The following HSP90AB1 variants were observed in gnomAD, a reference collection of about 807,000 sequenced individuals.
HSP90AB1 encodes heat shock protein 90 alpha family class B member 1, also known as heat shock protein HSP 90-beta.
Under a neutral mutation model 67.8 loss-of-function variants are expected in HSP90AB1, and 17 were observed. The ratio of observed to expected loss-of-function variants is 0.25; its 90% CI spans 0.17 to 0.38. The LOEUF (loss-of-function observed/expected upper bound fraction) is 0.38. Among genes scored for constraint, HSP90AB1 ranks in the 10% least tolerant of loss-of-function variants. HSP90AB1 has a pLI of 1.00. For synonymous variants in HSP90AB1, 390 were observed against 312.9 expected (o/e 1.25, Z -2.60); for missense variants, 690 against 899.9 (o/e 0.77, Z 2.98).
At chr6:44,250,791 C>T (rs1198358389) in intron 6 of HSP90AB1, among the ~76,000 whole-genome samples, 192 bp downstream of exon 6, 2 of 152,182 alleles carry the variant, frequency 1.3e-5, no homozygotes, top group African/African-American at 4.8e-5. Context: ...ACTTTCTCTT[C>T]TTATGGAAAT....
At position 44,253,536 on chromosome 6, in the gene HSP90AB1, C is replaced by G. The variant is rs559392885; in HGVS notation, c.2113C>G (p.Pro705Ala). 6.2e-7 allele frequency: 1 copy of G among 1,614,134 alleles called. No individual in the cohort carries two copies. The highest frequency in any genetic ancestry group is 2.2e-5 in the East Asian group (1 of 44,886). ...VAAEEPNAAV[P>A]DEIPPLEGDE... ...AGCAGAGGAACCCAATGCTGCAGTTCCTGATGAGATCCCCCCTCTCGAGGG... is the reference window on the plus strand; with the variant it reads ...AGCAGAGGAACCCAATGCTGCAGTTGCTGATGAGATCCCCCCTCTCGAGGG... The change falls in exon 12 of 12, where the codon CCT becomes GCT. Residue 705 changes from proline (P) to alanine (A), a missense_variant. Transcript: ENST00000371646.
intron 1 of HSP90AB1, 88 bp from the exon 2 acceptor site, chr6:44,248,542 C>G (rs771592920): frequency 2.4e-6 from 3 of 1,251,402 alleles, no homozygotes; most frequent in African/African-American, 3.0e-5. Flanking sequence ...AACTCACTGT[C>G]TAAGGTCCTA....
rs761094038 is a variant in HSP90AB1, at chr6:44,249,659, T to G, written c.355-16T>G. 5 of 1,612,232 alleles carry G rather than the reference T, an allele frequency of 3.1e-6. No homozygotes were observed. The Admixed American group carries it at 5.0e-5, about 16-fold the overall frequency. ...GCTTCTTTAAAACTTGTGATTGACT[T>G]TAAACTTGTTGGCAGGCTGGTGCAG... On this transcript the variant is annotated splice_polypyrimidine_tract_variant and intron_variant, in intron 3 of 11. Coordinates refer to ENST00000371646, the MANE Select transcript of HSP90AB1 (RefSeq NM_007355.4).
chr6:44,251,490 A>G lies in HSP90AB1; in HGVS notation c.1196A>G (p.Lys399Arg). 1 of 1,612,090 alleles carries G rather than the reference A, an allele frequency of 6.2e-7. No homozygotes were observed. ...TCCCGAGAAATGCTCCAGCAGAGCA[A>G]AATCTTGAAAGTCATTCGCAAAAAC... The part of the protein sequence containing the change: ...NISREMLQQS[K>R]ILKVIRKNIV... The change falls in exon 8 of 12, where the codon AAA (lysine) becomes AGA (arginine). Residue 399 changes from lysine (K) to arginine (R), a missense_variant. Transcript: ENST00000371646.
chr6:44,252,556 C>T (rs1455841087), intron 10 of HSP90AB1, among the ~76,000 whole-genome samples: 1 of 152,040 alleles, frequency 6.6e-6, no homozygotes, highest in African/African-American at 2.4e-5. Flanking sequence ...AGTGCAGTGG[C>T]ACGATCTCTG....
chr6:44,249,903 T>C (rs1780426081), intron 4 of HSP90AB1, 69 bp downstream of exon 4: 1 of 1,587,090 alleles, frequency 6.3e-7, no homozygotes, highest in Non-Finnish European at 8.6e-7. Context: ...TAGCAGAAAT[T>C]TTGGGCATCC....
chr6:44,250,052 C>T lies in HSP90AB1; in HGVS notation c.546C>T (p.Ile182=), dbSNP rs771035836. Residue 182 remains isoleucine (I), a synonymous_variant, in exon 5 of 12, where the codon ATC becomes ATT. Transcript: ENST00000371646. ...GEPIGRGTKV[I]LHLKEDQTEY... ...CCATTGGCAGGGGTACCAAAGTGATCCTCCATCTTAAAGAAGATCAGACAG... is the reference window on the plus strand; with the variant it reads ...CCATTGGCAGGGGTACCAAAGTGATTCTCCATCTTAAAGAAGATCAGACAG... 1 of 1,614,102 alleles carries T rather than the reference C, an allele frequency of 6.2e-7. No homozygotes were observed. Among genetic ancestry groups the T allele is most frequent in the Non-Finnish European group, 8.5e-7 (1 of 1,179,974 alleles).
In HSP90AB1 at chr6:44,249,782, G is replaced by C; in HGVS notation, c.462G>C (p.Gln154His). Reference protein sequence around the residue: ...VVITKHNDDEQYAWESSAGGS... With the variant: ...VVITKHNDDEHYAWESSAGGS... Reference sequence around the variant, plus strand: ...TCACAAAGCACAACGATGATGAACAGTATGCTTGGGAGTCTTCTGCTGGAG... The same window carrying C: ...TCACAAAGCACAACGATGATGAACACTATGCTTGGGAGTCTTCTGCTGGAG... The change falls in exon 4 of 12, where the codon CAG becomes CAC. Residue 154 changes from glutamine to histidine, a missense_variant. Transcript: ENST00000371646. The C allele has an allele frequency of 6.2e-7, 1 of 1,613,868 alleles. No homozygotes were observed. The highest frequency in any genetic ancestry group is 8.5e-7 in the Non-Finnish European group (1 of 1,179,880).
rs552784311 is a variant in HSP90AB1, at chr6:44,249,514, A to C, written c.285A>C (p.Lys95Asn). The C allele has an allele frequency of 4.3e-6, 7 of 1,614,194 alleles. No individual in the cohort carries two copies. In the Admixed American group the frequency reaches 1.2e-4, roughly 27 times the overall value. ...TAGACACAGGCATTGGCATGACCAAAGCTGATCTCATAAATAATTTGGGAA... is the reference window on the plus strand; with the variant it reads ...TAGACACAGGCATTGGCATGACCAACGCTGATCTCATAAATAATTTGGGAA... ...TLVDTGIGMT[K>N]ADLINNLGTI... The change falls in exon 3 of 12, where the codon AAA becomes AAC. Residue 95 changes from lysine to asparagine, a missense_variant. Physicochemically the swap from Lys to Asn is moderately conservative, Grantham distance 94. Coordinates refer to ENST00000371646, the MANE Select transcript of HSP90AB1 (RefSeq NM_007355.4).
rs775862325 is a variant in HSP90AB1, at chr6:44,249,883, C to T, written c.514+49C>T. 8 of 1,592,972 alleles carry T rather than the reference C, an allele frequency of 5.0e-6. No homozygotes were observed. In the South Asian group the frequency reaches 5.6e-5, roughly 11 times the overall value. The stretch of plus-strand genomic sequence containing the variant: ...GGTAGTTGGGTTAGGATTTTCTGGG[C>T]TCACACCAGTAGCAGAAATTTTGGG... On this transcript the variant is annotated intron_variant, in intron 4 of 11. Transcript: ENST00000371646.
At chr6:44,251,972 C>T (rs1225850439) in intron 9 of HSP90AB1, 27 bp from the exon 10 acceptor site, 2 of 1,613,814 alleles carry the variant, frequency 1.2e-6, no homozygotes, top group Non-Finnish European at 1.7e-6. Context: ...GCATTTTAGT[C>T]ACTGAGTTCA....
chr6:44,251,007 TC>T, intron 6 of HSP90AB1, 40 bp from the exon 7 acceptor site: 5 of 1,575,906 alleles, frequency 3.2e-6, no homozygotes, highest in Non-Finnish European at 4.4e-6. Flanking sequence ...GGCTAAAAGG[TC>T]CTCTTTTGAA....
chr6:44,251,382 T>G (rs992006531), intron 7 of HSP90AB1, 36 bp from the exon 8 acceptor site: 33 of 1,586,114 alleles, frequency 2.1e-5, no homozygotes, highest in African/African-American at 2.7e-5. Flanking sequence ...GGTCTAGCTG[T>G]TTTTTACTGA....
chr6:44,253,642 C>G lies in HSP90AB1; in HGVS notation c.*44C>G. 1 of 1,428,346 alleles carries G rather than the reference C, an allele frequency of 7.0e-7. No individual in the cohort carries two copies. Among genetic ancestry groups the G allele is most frequent in the Non-Finnish European group, 9.9e-7 (1 of 1,010,638 alleles). 88.5% of individuals were successfully genotyped at this position (1,428,346 alleles called of 1,614,324 possible). On this transcript the variant is annotated 3_prime_UTR_variant, in exon 12 of 12. Transcript: ENST00000371646. ...GAAAACTTGTGCCCTTGTATAGTGT[C>G]CCCATGGGCTCCCACTGCAGCCTCG...
At chr6:44,252,421 ATT>A (rs1360104765) in intron 10 of HSP90AB1, among the ~76,000 whole-genome samples, 154 bp downstream of exon 10, 1 of 152,188 alleles carries the variant, frequency 6.6e-6, no homozygotes, top group African/African-American at 2.4e-5. Flanking sequence ...GTTTAAGGCT[ATT>A]TTAATAAAAT....
At chr6:44,247,440 G>T (rs1780043552) in intron 1 of HSP90AB1, among the ~76,000 whole-genome samples, 1 of 152,164 alleles carries the variant, frequency 6.6e-6, no homozygotes, top group Non-Finnish European at 1.5e-5. Context: ...GGTGGGCTGT[G>T]GGGTTGGGGC....
Position 44,253,382 on chromosome 6 carries a change from A to G in HSP90AB1, c.2065+4A>G. On this transcript the variant is annotated splice_donor_region_variant and intron_variant, in intron 11 of 11. Coordinates refer to ENST00000371646, the MANE Select transcript of HSP90AB1 (RefSeq NM_007355.4). Reference sequence around the variant, plus strand: ...CGCATGATCAAGCTAGGTCTAGGTAAGTAGCTTTGGTACTTGGTGTGGCAA... The same window carrying G: ...CGCATGATCAAGCTAGGTCTAGGTAGGTAGCTTTGGTACTTGGTGTGGCAA... The G allele has an allele frequency of 6.2e-7, 1 of 1,612,244 alleles. No individual in the cohort carries two copies. Among genetic ancestry groups the G allele is most frequent in the Non-Finnish European group, 8.5e-7 (1 of 1,178,562 alleles).
intron 8 of HSP90AB1, 25 bp downstream of exon 8, chr6:44,251,633 C>A: frequency 6.3e-7 from 1 of 1,586,412 alleles, no homozygotes; most frequent in Non-Finnish European, 8.6e-7. Flanking sequence ...AATGCTTATT[C>A]CCTTTACCAC....
Position 44,253,555 on chromosome 6 carries a change from T to C in HSP90AB1, c.2132T>C (p.Leu711Pro). ...NAAVPDEIPP[L>P]EGDEDASRME... is the part of the protein sequence containing the mutation. ...GCAGTTCCTGATGAGATCCCCCCTC[T>C]CGAGGGCGATGAGGATGCGTCTCGC... is the stretch of plus-strand genomic sequence containing the variant. The change falls in exon 12 of 12, where the codon CTC becomes CCC. Residue 711 changes from leucine (L) to proline (P), a missense_variant. Physicochemically the swap from Leu to Pro is moderately conservative, Grantham distance 98 (BLOSUM62 -3). Around this residue, in one of 7 missense-constraint regions of HSP90AB1, gnomAD observed 120 missense variants for 153.5 expected, o/e 0.78. Transcript: ENST00000371646. 6 of 1,614,110 alleles carry C rather than the reference T, an allele frequency of 3.7e-6. No individual in the cohort carries two copies. The highest frequency in any genetic ancestry group is 1.1e-5 in the South Asian group (1 of 91,080).
Sources: allele counts gnomAD v4.1 joint callset (sites outside exome capture counted in the v4.1 genomes callset), GRCh38; gene constraint gnomAD v4.1.1; regional missense constraint gnomAD v4.1.1; transcripts MANE v1.5; gene names NCBI Gene and HGNC (gene_info 2026-07-23, HGNC 2026-07-21).